CNTNAP2: variants seen among roughly 807,000 people sequenced by gnomAD.
CNTNAP2 encodes the protein contactin-associated protein-like 2.
In CNTNAP2, 98 loss-of-function variants were observed where a neutral mutation model predicts 155.2. That is an observed-to-expected ratio of 0.63 (90% confidence interval 0.54 to 0.75). The LOEUF (loss-of-function observed/expected upper bound fraction) is 0.75, where lower values mean the gene tolerates loss of function less well. Among genes scored for constraint, CNTNAP2 ranks in the 30% least tolerant of loss-of-function variants. CNTNAP2 has a pLI of 0.00. For missense variants in CNTNAP2, 1,727 were observed against 1,688.1 expected (o/e 1.02, Z -0.40); for synonymous variants, 651 against 631.2 (o/e 1.03, Z -0.47).
At chr7:147,339,545 C>T (rs1795724140) in intron 9 of CNTNAP2, among the ~76,000 whole-genome samples, 1 of 152,122 alleles carries the variant, frequency 6.6e-6, no homozygotes, top group African/African-American at 2.4e-5. Context: ...TCATAAATTA[C>T]TCAGCCTCAG....
chr7:147,032,838 G>A (rs1324772112), intron 3 of CNTNAP2, among the ~76,000 whole-genome samples: 1 of 151,732 alleles, frequency 6.6e-6, no homozygotes, highest in Non-Finnish European at 1.5e-5. Context: ...ACTATGGGAG[G>A]CAATAAAGCC....
chr7:147,464,338 A>G (rs2116594193), intron 10 of CNTNAP2, among the ~76,000 whole-genome samples: 1 of 152,080 alleles, frequency 6.6e-6, no homozygotes, highest in African/African-American at 2.4e-5. Context: ...CTGGTGACGC[A>G]TGCCTGTATT....
In CNTNAP2 at chr7:147,121,034, G is replaced by T; in HGVS notation, c.810G>T (p.Leu270Phe). ...YGHTSVMTGS[L>F]LDDHHWHSVV... ...ACACATCAGTGATGACAGGAAGTTTGCTGGATGACCACCACTGGCACTCTG... is the reference window on the plus strand; with the variant it reads ...ACACATCAGTGATGACAGGAAGTTTTCTGGATGACCACCACTGGCACTCTG... The change falls in exon 6 of 24, where the codon TTG (leucine) becomes TTT (phenylalanine). Residue 270 changes from leucine (L) to phenylalanine (F), a missense_variant. Coordinates refer to ENST00000361727, the MANE Select transcript of CNTNAP2 (RefSeq NM_014141.6). 2 of 1,614,058 alleles carry T rather than the reference G, an allele frequency of 1.2e-6. No individual in the cohort carries two copies. The highest frequency in any genetic ancestry group is 1.7e-6 in the Non-Finnish European group (2 of 1,180,006).
intron 2 of CNTNAP2, among the ~76,000 whole-genome samples, chr7:146,815,719 C>T (rs1803153597): frequency 6.6e-6 from 1 of 152,122 alleles, no homozygotes; most frequent in South Asian, 2.1e-4. Flanking sequence ...CTGTGCTTCC[C>T]TGTGCACGTT....
chr7:146,466,104 G>A (rs975303781), intron 1 of CNTNAP2, among the ~76,000 whole-genome samples: 2 of 152,108 alleles, frequency 1.3e-5, no homozygotes, highest in Non-Finnish European at 2.9e-5. Flanking sequence ...AAATGATGAT[G>A]TAAACTAGAA....
At chr7:146,657,495 T>C (rs1800014879) in intron 1 of CNTNAP2, among the ~76,000 whole-genome samples, 1 of 152,136 alleles carries the variant, frequency 6.6e-6, no homozygotes, top group Non-Finnish European at 1.5e-5. Flanking sequence ...GTTTTCTGAG[T>C]TGCTCTCTTA....
intron 3 of CNTNAP2, among the ~76,000 whole-genome samples, chr7:146,889,463 G>A (rs10267401): frequency 0.043 from 6,479 of 152,162 alleles, 156 homozygotes; most frequent in South Asian, 0.074. Context: ...TGTAAACAGT[G>A]AGATTCATAG....
rs143956744 is a variant in CNTNAP2 at position 147,671,307 on chromosome 7, T to C, written c.2098+32001T>C. ...CTGCTTCACTTCCATATGGAGCTAG[T>C]GCTTTGTAAAGTGCACTGACAATAA... On this transcript the variant is annotated intron_variant, in intron 13 of 23. Coordinates refer to ENST00000361727, the MANE Select transcript of CNTNAP2 (RefSeq NM_014141.6). Among the ~76,000 whole-genome samples the C allele has an allele frequency of 9.8e-3, 1,491 of 152,302 alleles. 32 individuals carry two copies. Among genetic ancestry groups the C allele is most frequent in the African/African-American group, 0.034 (1,423 of 41,556 alleles).
intron 20 of CNTNAP2, among the ~76,000 whole-genome samples, chr7:148,234,413 A>G (rs959435826): frequency 1.9e-4 from 29 of 152,220 alleles, no homozygotes; most frequent in Non-Finnish European, 4.4e-5. Flanking sequence ...AATAAACCAT[A>G]TGCTATGTAC....
chr7:147,330,780 C>T (rs373900386), intron 9 of CNTNAP2, among the ~76,000 whole-genome samples: 34 of 152,266 alleles, frequency 2.2e-4, no homozygotes, highest in African/African-American at 7.7e-4. Flanking sequence ...AAAACCTGAA[C>T]ATTTGGTGTC....
At chr7:146,712,446 G>A (rs1801112766) in intron 1 of CNTNAP2, among the ~76,000 whole-genome samples, 1 of 147,636 alleles carries the variant, frequency 6.8e-6, no homozygotes, top group South Asian at 2.1e-4. Context: ...AGAAGAGGAA[G>A]ATAATAATTT....
At chr7:147,530,887 C>A (rs1799420354) in intron 11 of CNTNAP2, among the ~76,000 whole-genome samples, 1 of 152,146 alleles carries the variant, frequency 6.6e-6, no homozygotes, top group Non-Finnish European at 1.5e-5. Flanking sequence ...AAATCAAAAG[C>A]AAGCTAGTTG....
At chr7:147,324,424 G>A (rs180858936) in intron 9 of CNTNAP2, among the ~76,000 whole-genome samples, 53 of 152,252 alleles carry the variant, frequency 3.5e-4, no homozygotes, top group Admixed American at 1.6e-3. Context: ...AGAACTCTAA[G>A]TTGCATCATG....
chr7:146,312,552 T>C (rs1259440516), intron 1 of CNTNAP2, among the ~76,000 whole-genome samples: 1 of 152,212 alleles, frequency 6.6e-6, no homozygotes, highest in African/African-American at 2.4e-5. Context: ...GCCCTTCACC[T>C]CACCAATTTA....
intron 10 of CNTNAP2, among the ~76,000 whole-genome samples, chr7:147,482,801 TCTGG>T (rs1798446151): frequency 6.6e-6 from 1 of 151,818 alleles, no homozygotes; most frequent in Non-Finnish European, 1.5e-5. Flanking sequence ...ATCCCAGCAC[TCTGG>T]GAGGCTGAGG....
intron 1 of CNTNAP2, among the ~76,000 whole-genome samples, chr7:146,405,458 G>A (rs1795777613): frequency 6.6e-6 from 1 of 152,160 alleles, no homozygotes; most frequent in South Asian, 2.1e-4. Context: ...GGTAGATATA[G>A]CCTGTCATCA....
chr7:147,087,306 A>G (rs1255483997), intron 4 of CNTNAP2, among the ~76,000 whole-genome samples: 1 of 152,200 alleles, frequency 6.6e-6, no homozygotes, highest in African/African-American at 2.4e-5. Context: ...ATTGAGTGGC[A>G]GAGTGGGGAG....
intron 13 of CNTNAP2, among the ~76,000 whole-genome samples, chr7:147,733,694 T>C (rs113939546): frequency 7.9e-5 from 12 of 152,354 alleles, no homozygotes; most frequent in African/African-American, 2.9e-4. Context: ...TTTTATTTCA[T>C]TGAACAATGG....
intron 13 of CNTNAP2, among the ~76,000 whole-genome samples, chr7:147,783,368 G>C (rs776298600): frequency 2.0e-5 from 3 of 152,156 alleles, no homozygotes; most frequent in Non-Finnish European, 2.9e-5. Flanking sequence ...TTAAGAATAA[G>C]TTGTATAGAA....
Sources: allele counts gnomAD v4.1 joint callset (sites outside exome capture counted in the v4.1 genomes callset), GRCh38; gene constraint gnomAD v4.1.1; transcripts MANE v1.5; gene names NCBI Gene and HGNC (gene_info 2026-07-23, HGNC 2026-07-21).